The following TSHZ2 variants were observed in gnomAD, a reference collection of about 807,000 sequenced individuals.
The protein encoded by TSHZ2 is teashirt homolog 2.
Under a neutral mutation model 74.4 loss-of-function variants are expected in TSHZ2, and 21 were observed. That is an observed-to-expected ratio of 0.28 (90% confidence interval 0.20 to 0.41). TSHZ2 has a LOEUF of 0.41. Among genes scored for constraint, TSHZ2 ranks in the 10% least tolerant of loss-of-function variants. TSHZ2 has a pLI of 1.00. For synonymous variants in TSHZ2, 540 were observed against 515.3 expected (o/e 1.05, Z -0.65); for missense variants, 1,244 against 1,293.5 (o/e 0.96, Z 0.59).
At chr20:52,988,069 C>G (rs1412001987) in intron 1 of TSHZ2, among the ~76,000 whole-genome samples, 2 of 151,974 alleles carry the variant, frequency 1.3e-5, no homozygotes, top group African/African-American at 2.4e-5. Flanking sequence ...TTTCCTGAAT[C>G]AGACTTCCAA....
At chr20:53,367,822 C>G (rs1471874323) in intron 2 of TSHZ2, among the ~76,000 whole-genome samples, 1 of 152,098 alleles carries the variant, frequency 6.6e-6, no homozygotes. Flanking sequence ...CCACCCACCT[C>G]GGCCTCCCAA....
intron 1 of TSHZ2, among the ~76,000 whole-genome samples, chr20:53,155,633 T>G (rs1032699281): frequency 6.6e-6 from 1 of 152,014 alleles, no homozygotes; most frequent in African/African-American, 2.4e-5. Context: ...GCACAATATC[T>G]TCCCACTTTG....
chr20:53,381,078 G>A (rs1260547645), intron 2 of TSHZ2, among the ~76,000 whole-genome samples: 1 of 152,148 alleles, frequency 6.6e-6, no homozygotes, highest in Non-Finnish European at 1.5e-5. Context: ...ACGAAATCTT[G>A]GTTGTAACAT....
intron 1 of TSHZ2, among the ~76,000 whole-genome samples, chr20:53,044,645 C>A (rs1321983081): frequency 1.3e-5 from 2 of 152,150 alleles, no homozygotes; most frequent in African/African-American, 4.8e-5. Flanking sequence ...TTCTTGGACC[C>A]CAGCCCCAGT....
intron 2 of TSHZ2, among the ~76,000 whole-genome samples, chr20:53,480,780 G>A (rs1986128705): frequency 1.3e-5 from 2 of 152,142 alleles, no homozygotes; most frequent in African/African-American, 4.8e-5. Context: ...AGAGAAGGGG[G>A]TAGGCAGGAG....
At chr20:53,155,587 C>T (rs183762810) in intron 1 of TSHZ2, among the ~76,000 whole-genome samples, 118 of 151,796 alleles carry the variant, frequency 7.8e-4, no homozygotes, top group African/African-American at 2.8e-3. Flanking sequence ...AGAAGATACC[C>T]GGGACAGATC....
intron 1 of TSHZ2, among the ~76,000 whole-genome samples, chr20:53,108,697 G>A (rs1056337774): frequency 3.3e-5 from 5 of 152,172 alleles, no homozygotes; most frequent in Admixed American, 1.3e-4. Flanking sequence ...TTTATTTCTA[G>A]ATGATTAATC....
intron 1 of TSHZ2, among the ~76,000 whole-genome samples, chr20:53,077,675 A>G (rs1985410166): frequency 6.6e-6 from 1 of 152,214 alleles, no homozygotes; most frequent in African/African-American, 2.4e-5. Context: ...TAGTGGAGGT[A>G]TCAAATACTG....
chr20:53,021,446 C>T (rs937195614), intron 1 of TSHZ2, among the ~76,000 whole-genome samples: 5 of 152,170 alleles, frequency 3.3e-5, no homozygotes, highest in Admixed American at 2.0e-4. Flanking sequence ...GTTGGAACTC[C>T]GCTGATGCTG....
At chr20:53,155,192 C>T (rs1167984532) in intron 1 of TSHZ2, among the ~76,000 whole-genome samples, 1 of 151,656 alleles carries the variant, frequency 6.6e-6, no homozygotes, top group Non-Finnish European at 1.5e-5. Flanking sequence ...ACTGGACCCT[C>T]CCTATGAAGT....
intron 2 of TSHZ2, among the ~76,000 whole-genome samples, chr20:53,396,583 G>A (rs916744880): frequency 3.3e-5 from 5 of 151,990 alleles, no homozygotes; most frequent in South Asian, 2.1e-4. Flanking sequence ...TGGGTGGCTC[G>A]TGCCTGTAAT....
At chr20:53,459,857 C>A (rs1985275643) in intron 2 of TSHZ2, among the ~76,000 whole-genome samples, 1 of 151,742 alleles carries the variant, frequency 6.6e-6, no homozygotes, top group Non-Finnish European at 1.5e-5. Flanking sequence ...GTTGAAAATT[C>A]TTTTCTTTAA....
chr20:53,293,963 C>T (rs111499854), intron 2 of TSHZ2, among the ~76,000 whole-genome samples: 12,762 of 151,774 alleles, frequency 0.084, 581 homozygotes, highest in Middle Eastern at 0.12. Context: ...TTGCAATGGG[C>T]CGAGAGATCA....
intron 1 of TSHZ2, among the ~76,000 whole-genome samples, chr20:53,165,811 C>T (rs1016920332): frequency 1.3e-5 from 2 of 152,156 alleles, no homozygotes; most frequent in Non-Finnish European, 2.9e-5. Flanking sequence ...GGTAGTCCTC[C>T]CAGCCACCCT....
intron 2 of TSHZ2, among the ~76,000 whole-genome samples, chr20:53,482,002 G>C (rs1383814630): frequency 6.6e-6 from 1 of 151,348 alleles, no homozygotes; most frequent in African/African-American, 2.4e-5. Context: ...TACTCGGGAG[G>C]CTGAGGCAGG....
At chr20:53,462,019 GT>G (rs911207386) in intron 2 of TSHZ2, among the ~76,000 whole-genome samples, 66 of 151,804 alleles carry the variant, frequency 4.3e-4, no homozygotes, top group African/African-American at 1.5e-3. Flanking sequence ...ATCACTTGAG[GT>G]CAGGAGTTCG....
chr20:53,010,497 TG>T (rs555715150), intron 1 of TSHZ2, among the ~76,000 whole-genome samples: 109 of 152,262 alleles, frequency 7.2e-4, no homozygotes, highest in African/African-American at 2.5e-3. Flanking sequence ...CAAGATCCTC[TG>T]GTCGGATTTT....
chr20:52,999,380 A>G (rs557048520), intron 1 of TSHZ2, among the ~76,000 whole-genome samples: 105 of 152,336 alleles, frequency 6.9e-4, no homozygotes, highest in Admixed American at 6.7e-3. Context: ...AAGAAAAACA[A>G]AGGGTGGCAA....
At chr20:53,030,763 C>T (rs952282809) in intron 1 of TSHZ2, among the ~76,000 whole-genome samples, 2 of 152,220 alleles carry the variant, frequency 1.3e-5, no homozygotes, top group Admixed American at 1.3e-4. Flanking sequence ...ATTTGGACTA[C>T]AGCCTTTCAA....
Sources: allele counts gnomAD v4.1 joint callset (sites outside exome capture counted in the v4.1 genomes callset), GRCh38; gene constraint gnomAD v4.1.1; transcripts MANE v1.5; gene names NCBI Gene and HGNC (gene_info 2026-07-23, HGNC 2026-07-21).